WDR88: variants seen among roughly 807,000 people sequenced by gnomAD.
The protein encoded by WDR88 is WD repeat-containing protein 88.
Under a neutral mutation model 46.8 loss-of-function variants are expected in WDR88, and 40 were observed. That is an observed-to-expected ratio of 0.86 (90% CI 0.66 to 1.11). The LOEUF (loss-of-function observed/expected upper bound fraction) is 1.11. WDR88 is among the 50% of genes most tolerant of loss of function. The pLI is 0.00. For missense variants in WDR88, 562 were observed against 602.4 expected, an observed-to-expected ratio of 0.93 and a Z score of 0.70; for synonymous variants, 235 against 240.7, an observed-to-expected ratio of 0.98 and a Z score of 0.22.
intron 8 of WDR88, among the ~76,000 whole-genome samples, chr19:33,163,880 C>G (rs1172851405): frequency 3.9e-5 from 6 of 152,140 alleles, no homozygotes; most frequent in Admixed American, 1.3e-4. Flanking sequence ...GCAATCTGTC[C>G]ACCTCAACCT....
intron 9 of WDR88, among the ~76,000 whole-genome samples, chr19:33,169,120 G>A (rs1973997569): frequency 6.6e-6 from 1 of 152,154 alleles, no homozygotes; most frequent in Non-Finnish European, 1.5e-5. Context: ...TAACTTGAGA[G>A]CTAAACTATA....
At chr19:33,173,799 G>T (rs1010891639) in intron 10 of WDR88, among the ~76,000 whole-genome samples, 1 of 152,236 alleles carries the variant, frequency 6.6e-6, no homozygotes, top group East Asian at 1.9e-4. Context: ...GGGTTGGACC[G>T]TGGGATGTAG....
At chr19:33,174,723 C>T (rs1284592985) in intron 10 of WDR88, 6 of 985,314 alleles carry the variant, frequency 6.1e-6, no homozygotes, top group Admixed American at 6.1e-5. Context: ...CAATTTTACT[C>T]GGCACAGAAC....
intron 9 of WDR88, among the ~76,000 whole-genome samples, chr19:33,169,817 T>C (rs1974008229): frequency 1.3e-5 from 2 of 152,328 alleles, no homozygotes; most frequent in South Asian, 4.1e-4. Flanking sequence ...ATGAAGTCCT[T>C]TGCACTATAA....
At chr19:33,165,489 T>A (rs1212729135) in intron 9 of WDR88, among the ~76,000 whole-genome samples, 2 of 152,234 alleles carry the variant, frequency 1.3e-5, no homozygotes, top group African/African-American at 4.8e-5. Context: ...TATTTTTTAC[T>A]TTTTTGTTCC....
chr19:33,137,296 C>A (rs1973289112), intron 1 of WDR88, among the ~76,000 whole-genome samples: 2 of 149,978 alleles, frequency 1.3e-5, no homozygotes, highest in Admixed American at 1.3e-4. Flanking sequence ...CTCTGTCACC[C>A]AGGCTGGAGT....
Position 33,132,237 on chromosome 19 carries a change from C to A in WDR88, c.68C>A (p.Ala23Asp), listed in dbSNP as rs751241166. 3 of 1,611,314 alleles carry A rather than the reference C, an allele frequency of 1.9e-6. No homozygotes were observed. The highest frequency in any genetic ancestry group is 2.5e-6 in the Non-Finnish European group (3 of 1,179,880). Residue 23 changes from alanine (A) to aspartate (D), a missense_variant, in exon 1 of 11, where the codon GCC becomes GAC. Ala to Asp is a moderately radical substitution (Grantham distance 126). Transcript: ENST00000355868. ...GAATGCAAGTTGCCGCCACCCTCCG[C>A]CCCCGCCAGCGAGTATTGTCCCGGC... is the stretch of plus-strand genomic sequence containing the variant. ...DRECKLPPPS[A>D]PASEYCPGKL...
In WDR88 at chr19:33,160,559, A is replaced by G. The variant is rs77047702; in HGVS notation, c.1080+63A>G. The G allele has an allele frequency of 1.9e-3, 2,959 of 1,561,148 alleles. 46 individuals are homozygous for G. In the African/African-American group the frequency reaches 0.035, roughly 18 times the overall value. ...CCCTCCCGAGTCCTTCCTGTGCTCA[A>G]TGCTGGTTGCTGGGGACACAGCTGT... is the stretch of plus-strand genomic sequence containing the variant. On this transcript the variant is annotated intron_variant, in intron 8 of 10. Coordinates refer to ENST00000355868, the MANE Select transcript of WDR88 (RefSeq NM_173479.4).
At chr19:33,164,743 T>C (rs1973926590) in intron 9 of WDR88, among the ~76,000 whole-genome samples, 2 of 152,080 alleles carry the variant, frequency 1.3e-5, no homozygotes, top group African/African-American at 4.8e-5. Context: ...CCACCCATAT[T>C]AGAGCAGCAG....
chr19:33,148,330 T>A (rs575798363), intron 4 of WDR88, among the ~76,000 whole-genome samples: 2 of 152,250 alleles, frequency 1.3e-5, no homozygotes, highest in East Asian at 3.9e-4. Flanking sequence ...CCCTTCCTCC[T>A]TCCTTTCCTT....
At chr19:33,132,493 G>A (rs374097747) in intron 1 of WDR88, 48 bp downstream of exon 1, 10 of 1,596,350 alleles carry the variant, frequency 6.3e-6, no homozygotes, top group East Asian at 2.2e-5. Context: ...TTCCCCACAC[G>A]GGAGGAAGGC....
At chr19:33,159,371 T>C (rs1191001258) in intron 7 of WDR88, among the ~76,000 whole-genome samples, 3 of 133,426 alleles carry the variant, frequency 2.2e-5, no homozygotes, top group South Asian at 2.2e-4. Flanking sequence ...AATAAATAAA[T>C]AAATAAATAA....
chr19:33,149,164 A>G (rs1973580471), intron 5 of WDR88, among the ~76,000 whole-genome samples: 1 of 152,096 alleles, frequency 6.6e-6, no homozygotes. Flanking sequence ...TACCAAAAAC[A>G]ATACAAAAAT....
chr19:33,145,616 C>A (rs1973496447), intron 3 of WDR88, among the ~76,000 whole-genome samples: 1 of 151,466 alleles, frequency 6.6e-6, no homozygotes, highest in African/African-American at 2.4e-5. Context: ...CTCATTGCAA[C>A]CTCCACCTCC....
At chr19:33,143,594 G>A (rs568418586) in intron 2 of WDR88, among the ~76,000 whole-genome samples, 13 of 148,970 alleles carry the variant, frequency 8.7e-5, no homozygotes, top group Admixed American at 3.4e-4. Context: ...GCAGTGAGCC[G>A]TGTTCTTGCC....
At chr19:33,171,445 C>G (rs1055926535) in intron 9 of WDR88, among the ~76,000 whole-genome samples, 3 of 152,132 alleles carry the variant, frequency 2.0e-5, no homozygotes, top group African/African-American at 2.4e-5. Flanking sequence ...AAAAATGACC[C>G]CTTTGTTCTC....
At chr19:33,163,806 G>T (rs1249444878) in intron 8 of WDR88, among the ~76,000 whole-genome samples, 1 of 151,848 alleles carries the variant, frequency 6.6e-6, no homozygotes. Flanking sequence ...CTAATATTTT[G>T]TATTTTTAGT....
chr19:33,163,575 C>T (rs79126024), intron 8 of WDR88, among the ~76,000 whole-genome samples: 14,271 of 151,886 alleles, frequency 0.094, 1,060 homozygotes, highest in Admixed American at 0.24. Flanking sequence ...TGTCTTTACA[C>T]TTTGTATTCC....
At chr19:33,152,897 CTG>C in intron 6 of WDR88, among the ~76,000 whole-genome samples, 1 of 152,092 alleles carries the variant, frequency 6.6e-6, no homozygotes, top group East Asian at 1.9e-4. Context: ...CTTTTGATGA[CTG>C]AATAGTACTG....
Sources: allele counts gnomAD v4.1 joint callset (sites outside exome capture counted in the v4.1 genomes callset), GRCh38; gene constraint gnomAD v4.1.1; transcripts MANE v1.5; gene names NCBI Gene and HGNC (gene_info 2026-07-23, HGNC 2026-07-21).